The following MSI2 variants were observed in gnomAD, a reference collection of about 807,000 sequenced individuals.
MSI2 encodes the protein RNA-binding protein Musashi homolog 2.
MSI2 carries 17 observed loss-of-function variants against 45.6 expected under a neutral mutation model. The observed-to-expected ratio is 0.37, with a 90% CI of 0.26 to 0.56. MSI2 has a LOEUF of 0.56. Ranked by LOEUF, MSI2 falls within the 20% of genes least tolerant of loss-of-function variation. MSI2 has a pLI of 0.77. For synonymous variants in MSI2, 156 were observed against 158.2 expected (o/e 0.99, Z 0.11); for missense variants, 293 against 444.2 (o/e 0.66, Z 3.06).
At chr17:57,610,223 C>T (rs565540780) in intron 8 of MSI2, among the ~76,000 whole-genome samples, 2 of 152,208 alleles carry the variant, frequency 1.3e-5, no homozygotes, top group African/African-American at 2.4e-5. Flanking sequence ...GAGGCTGAGG[C>T]GGGAAGATCA....
intron 6 of MSI2, among the ~76,000 whole-genome samples, chr17:57,481,569 G>A (rs548032715): frequency 5.3e-5 from 8 of 152,192 alleles, no homozygotes; most frequent in Non-Finnish European, 7.3e-5. Context: ...GATTGTAGTC[G>A]ATGATATTTC....
chr17:57,616,123 A>G (rs1907663389), intron 9 of MSI2, 39 bp downstream of exon 9: 2 of 1,515,224 alleles, frequency 1.3e-6, no homozygotes, highest in African/African-American at 2.7e-5. Context: ...ATGGACTGGG[A>G]GGGCTATGGA....
Position 57,680,071 on chromosome 17 carries a change from C to T in MSI2, c.*554C>T, listed in dbSNP as rs1913507334. On this transcript the variant is annotated 3_prime_UTR_variant, in exon 14 of 14. Coordinates refer to ENST00000284073, the MANE Select transcript of MSI2 (RefSeq NM_138962.4). Reference sequence around the variant, plus strand: ...TATGAATTTTCAGGTGGAACTTTAGCACACACTGAAGCAAAGTTGTGAAGT... The same window carrying T: ...TATGAATTTTCAGGTGGAACTTTAGTACACACTGAAGCAAAGTTGTGAAGT... 1 of 228,208 alleles carries T rather than the reference C, an allele frequency of 4.4e-6. No individual in the cohort carries two copies. The highest frequency in any genetic ancestry group is 2.2e-5 in the African/African-American group (1 of 45,034). 14.1% of individuals were successfully genotyped at this position (228,208 alleles called of 1,614,324 possible).
chr17:57,663,175 G>A (rs924119631), intron 11 of MSI2, among the ~76,000 whole-genome samples: 2 of 152,114 alleles, frequency 1.3e-5, no homozygotes, highest in Admixed American at 6.5e-5. Context: ...GTGGCGGGGT[G>A]GAGGGGCGGG....
rs1913526128 is a variant in MSI2 at position 57,680,397 on chromosome 17, T to C, written c.*880T>C. On this transcript the variant is annotated 3_prime_UTR_variant, in exon 14 of 14. Coordinates refer to ENST00000284073, the MANE Select transcript of MSI2 (RefSeq NM_138962.4). ...ATAGAAACTATTAAGAAAGAGAGAATCAAAAATATTTTTGTGAGGGAGTCG... is the reference window on the plus strand; with the variant it reads ...ATAGAAACTATTAAGAAAGAGAGAACCAAAAATATTTTTGTGAGGGAGTCG... 2 of 227,558 alleles carry C rather than the reference T, an allele frequency of 8.8e-6. No individual in the cohort carries two copies. The highest frequency in any genetic ancestry group is 1.3e-4 in the East Asian group (2 of 15,834). 14.1% of individuals were successfully genotyped at this position (227,558 alleles called of 1,614,324 possible).
intron 7 of MSI2, among the ~76,000 whole-genome samples, chr17:57,578,266 A>C (rs1293575484): frequency 2.0e-5 from 3 of 152,202 alleles, no homozygotes; most frequent in Non-Finnish European, 4.4e-5. Context: ...CAGTTGTTTG[A>C]GTGCTTCTCT....
At chr17:57,330,771 A>G (rs1313991958) in intron 5 of MSI2, among the ~76,000 whole-genome samples, 1 of 152,164 alleles carries the variant, frequency 6.6e-6, no homozygotes, top group Non-Finnish European at 1.5e-5. Flanking sequence ...GTGCAGTGGT[A>G]GAACGAGCAC....
chr17:57,449,369 G>A (rs1012645670), intron 6 of MSI2: 2 of 152,178 alleles, frequency 1.3e-5, no homozygotes, highest in Non-Finnish European at 2.9e-5. Flanking sequence ...CACGTGTGGA[G>A]GACTGGGATT....
chr17:57,384,335 G>A (rs1235370399), intron 5 of MSI2, among the ~76,000 whole-genome samples: 1 of 152,166 alleles, frequency 6.6e-6, no homozygotes, highest in Non-Finnish European at 1.5e-5. Context: ...TCACTCATAT[G>A]TCTGGCTCCT....
At chr17:57,443,379 G>A (rs1424143529) in intron 6 of MSI2, among the ~76,000 whole-genome samples, 1 of 152,174 alleles carries the variant, frequency 6.6e-6, no homozygotes, top group African/African-American at 2.4e-5. Context: ...AGGACTTCCT[G>A]GCAGCTGTGC....
chr17:57,547,008 C>T (rs1315114000), intron 7 of MSI2, among the ~76,000 whole-genome samples: 3 of 152,294 alleles, frequency 2.0e-5, no homozygotes, highest in South Asian at 4.2e-4. Flanking sequence ...GAGCTGTTGG[C>T]GAGGGGGCCT....
intron 7 of MSI2, among the ~76,000 whole-genome samples, chr17:57,581,407 G>T (rs2088203796): frequency 6.6e-6 from 1 of 152,088 alleles, no homozygotes; most frequent in African/African-American, 2.4e-5. Flanking sequence ...AAACAACCAG[G>T]ATTTCTACGA....
chr17:57,394,138 A>G (rs2083846191), intron 5 of MSI2, among the ~76,000 whole-genome samples: 2 of 152,220 alleles, frequency 1.3e-5, no homozygotes, highest in South Asian at 4.1e-4. Context: ...GCAAAATTAG[A>G]AAAGGTGAAG....
At chr17:57,553,809 C>T (rs188916158) in intron 7 of MSI2, among the ~76,000 whole-genome samples, 224 of 152,276 alleles carry the variant, frequency 1.5e-3, no homozygotes, top group African/African-American at 4.8e-3. Context: ...AGGAAAGAGC[C>T]GGCAGCCCTT....
the MSI2 span, among the ~76,000 whole-genome samples, chr17:57,694,382 G>T: frequency 6.6e-6 from 1 of 152,174 alleles, no homozygotes; most frequent in South Asian, 2.1e-4. Flanking sequence ...GGCCTTCCTT[G>T]TGTGCTTGTG....
intron 6 of MSI2, among the ~76,000 whole-genome samples, chr17:57,502,602 G>GATATATATATACATATATATAT (rs1555614731): frequency 1.8e-5 from 1 of 54,416 alleles, no homozygotes; most frequent in Admixed American, 2.5e-4. Flanking sequence ...ATGACTCTGA[G>GATATATATATACATATATATAT]ATATATATAT....
intron 5 of MSI2, among the ~76,000 whole-genome samples, chr17:57,286,755 C>T (rs1294233432): frequency 2.0e-5 from 3 of 152,060 alleles, no homozygotes; most frequent in African/African-American, 2.4e-5. Flanking sequence ...GCAAAATGAC[C>T]TTCCAGTAAA....
At chr17:57,572,122 C>T (rs147821779) in intron 7 of MSI2, among the ~76,000 whole-genome samples, 116 of 152,294 alleles carry the variant, frequency 7.6e-4, no homozygotes, top group Middle Eastern at 3.4e-3. Flanking sequence ...CAGGTGTGTG[C>T]AGCAGAATCG....
chr17:57,438,029 G>C (rs1002512831), intron 6 of MSI2, among the ~76,000 whole-genome samples: 2 of 152,206 alleles, frequency 1.3e-5, no homozygotes, highest in Non-Finnish European at 2.9e-5. Context: ...AAGAGAGAAG[G>C]GGACCTTATT....
Sources: gnomAD v4.1 joint callset for allele counts (sites outside exome capture counted in the v4.1 genomes callset) on GRCh38, gnomAD v4.1.1 for gene constraint, MANE v1.5 for transcripts, NCBI Gene and HGNC (gene_info 2026-07-23, HGNC 2026-07-21) for gene names.